The following CCDC88C variants were observed in gnomAD, a reference collection of about 807,000 sequenced individuals.
The protein encoded by CCDC88C is protein Daple.
CCDC88C carries 131 observed loss-of-function variants against 198.8 expected under a neutral mutation model. The ratio of observed to expected loss-of-function variants is 0.66; its 90% CI spans 0.57 to 0.76. The LOEUF (loss-of-function observed/expected upper bound fraction) is 0.76. CCDC88C is among the 30% of genes least tolerant of loss of function. The probability of loss-of-function intolerance (pLI) is 0.00; values close to 1 mark genes in which losing one functional copy is unlikely to be tolerated. For missense variants in CCDC88C, 2,553 were observed against 2,631.6 expected (o/e 0.97, Z 0.65); for synonymous variants, 1,166 against 1,114.7 (o/e 1.05, Z -0.92).
chr14:91,345,190 A>ATATATTTTTTTTTT (rs1246878587), intron 4 of CCDC88C, among the ~76,000 whole-genome samples: 2 of 52,204 alleles, frequency 3.8e-5, no homozygotes, highest in African/African-American at 7.9e-5. Flanking sequence ...ATATATATAT[A>ATATATTTTTTTTTT]TTTTTTTTTT....
intron 4 of CCDC88C, among the ~76,000 whole-genome samples, chr14:91,355,441 G>A (rs955575949): frequency 2.6e-5 from 4 of 152,150 alleles, no homozygotes; most frequent in Admixed American, 6.5e-5. Context: ...AGCCCAGGCC[G>A]TGCTCGGAGA....
chr14:91,344,968 G>A (rs141800456), intron 4 of CCDC88C, among the ~76,000 whole-genome samples: 25 of 151,150 alleles, frequency 1.7e-4, no homozygotes, highest in African/African-American at 5.8e-4. Context: ...GCTAACTTTT[G>A]TATTTTTTGT....
At chr14:91,365,476 AG>A (rs1224202117) in intron 3 of CCDC88C, among the ~76,000 whole-genome samples, 2 of 152,180 alleles carry the variant, frequency 1.3e-5, no homozygotes, top group African/African-American at 2.4e-5. Flanking sequence ...TTAAACTGTT[AG>A]GGGGACAGGC....
intron 3 of CCDC88C, among the ~76,000 whole-genome samples, chr14:91,360,539 C>A (rs143941819): frequency 6.6e-5 from 10 of 152,206 alleles, no homozygotes; most frequent in African/African-American, 9.7e-5. Flanking sequence ...CTAAGCAGGT[C>A]TTTGGTACAA....
chr14:91,290,813 C>T (rs1313398067), intron 24 of CCDC88C, among the ~76,000 whole-genome samples, 182 bp downstream of exon 24: 1 of 152,232 alleles, frequency 6.6e-6, no homozygotes, highest in Non-Finnish European at 1.5e-5. Flanking sequence ...TTGGCCACCC[C>T]TCACAGGACA....
At chr14:91,382,236 TCTCAACGCAGAGGC>T (rs1220114518) in intron 3 of CCDC88C, among the ~76,000 whole-genome samples, 1 of 152,144 alleles carries the variant, frequency 6.6e-6, no homozygotes, top group African/African-American at 2.4e-5. Flanking sequence ...TTTCCACAAA[TCTCAACGCAGAGGC>T]CTCATAATCC....
At chr14:91,401,306 T>C (rs1886183963) in intron 3 of CCDC88C, among the ~76,000 whole-genome samples, 2 of 104,532 alleles carry the variant, frequency 1.9e-5, no homozygotes, top group South Asian at 5.4e-4. Flanking sequence ...TATTATAATG[T>C]ATATATTTAT....
chr14:91,390,253 C>T (rs999348120), intron 3 of CCDC88C, among the ~76,000 whole-genome samples: 1 of 152,114 alleles, frequency 6.6e-6, no homozygotes, highest in African/African-American at 2.4e-5. Context: ...TAGTAGATGC[C>T]CGATTCTGCT....
At chr14:91,300,919 G>A (rs1238503407) in intron 20 of CCDC88C, among the ~76,000 whole-genome samples, 3 of 152,132 alleles carry the variant, frequency 2.0e-5, no homozygotes, top group Non-Finnish European at 4.4e-5. Flanking sequence ...TCCCATTCAG[G>A]CAAATTCTTC....
intron 3 of CCDC88C, among the ~76,000 whole-genome samples, chr14:91,370,297 G>C (rs1374454658): frequency 6.6e-6 from 1 of 152,236 alleles, no homozygotes; most frequent in Non-Finnish European, 1.5e-5. Context: ...CTGCTGGCAA[G>C]AGAGGCACAG....
chr14:91,377,348 G>A (rs1311568851), intron 3 of CCDC88C, among the ~76,000 whole-genome samples: 1 of 152,222 alleles, frequency 6.6e-6, no homozygotes, highest in Non-Finnish European at 1.5e-5. Context: ...CATGAGAGCC[G>A]GAGCGATGGT....
intron 4 of CCDC88C, among the ~76,000 whole-genome samples, chr14:91,353,170 G>A (rs1327482416): frequency 6.6e-6 from 1 of 152,182 alleles, no homozygotes; most frequent in African/African-American, 2.4e-5. Flanking sequence ...AGCTGTCACA[G>A]AAGGCCTCCT....
chr14:91,333,697 T>C (rs577821311), intron 10 of CCDC88C, among the ~76,000 whole-genome samples: 6 of 152,332 alleles, frequency 3.9e-5, no homozygotes, highest in Non-Finnish European at 5.9e-5. Context: ...GGGGGCAAGA[T>C]GGCCTGGGAG....
intron 26 of CCDC88C, among the ~76,000 whole-genome samples, chr14:91,282,369 A>G (rs951682040): frequency 6.6e-6 from 1 of 152,170 alleles, no homozygotes; most frequent in South Asian, 2.1e-4. Context: ...CAACTCCTTC[A>G]GCTGTTTCTT....
intron 15 of CCDC88C, among the ~76,000 whole-genome samples, chr14:91,310,395 T>A (rs1424610820): frequency 6.6e-6 from 1 of 152,140 alleles, no homozygotes; most frequent in Non-Finnish European, 1.5e-5. Context: ...AATATTTTAT[T>A]TTAAACCCTG....
In CCDC88C at chr14:91,408,758, C is replaced by T. The variant is rs1839093491; in HGVS notation, c.171G>A (p.Arg57=). The T allele has an allele frequency of 6.2e-7, 1 of 1,611,826 alleles. No individual in the cohort carries two copies. The change falls in exon 3 of 30, where the codon AGG becomes AGA. Residue 57 remains arginine (R), a synonymous_variant. Coordinates refer to ENST00000389857, the MANE Select transcript of CCDC88C (RefSeq NM_001080414.4). ...GCTTATTGATGCGTTGATTTGTGGGCCTGGGATCTCTAGGGGAAGAAACAC... is the reference window on the plus strand; with the variant it reads ...GCTTATTGATGCGTTGATTTGTGGGTCTGGGATCTCTAGGGGAAGAAACAC... ...LNQIMLQIDP[R]PTNQRINKHV...
chr14:91,338,633 C>A lies in CCDC88C; in HGVS notation c.810-63G>T. 1.6e-6 allele frequency: 2 copies of A among 1,242,346 alleles called. No homozygotes were observed. The highest frequency in any genetic ancestry group is 1.2e-6 in the Non-Finnish European group (1 of 866,908). The allele number at this position is 1,242,346 out of a possible 1,614,324, so 77.0% of individuals were successfully genotyped here. Reference sequence around the variant, plus strand: ...CTTCCTCAACAAGCAGCCCTGGGAGCAGGCTGCCACTTCCTAAAACCTGTG... The same window carrying A: ...CTTCCTCAACAAGCAGCCCTGGGAGAAGGCTGCCACTTCCTAAAACCTGTG... On this transcript the variant is annotated intron_variant, in intron 8 of 29. Transcript: ENST00000389857. The surrounding 1 kb of genome is among the most constrained non-coding windows in gnomAD (Gnocchi z 4.8).
At position 91,313,090 on chromosome 14, in the gene CCDC88C, G is replaced by C. The variant is rs535702189; in HGVS notation, c.2726C>G (p.Thr909Ser). 57 of 1,583,436 alleles carry C rather than the reference G, an allele frequency of 3.6e-5. No homozygotes were observed. Among genetic ancestry groups the C allele is most frequent in the Middle Eastern group, 1.7e-4 (1 of 5,930 alleles). Residue 909 changes from threonine to serine, a missense_variant, in exon 15 of 30, where the codon ACT becomes AGT. Transcript: ENST00000389857. This position sits in a 1 kb window ranked among gnomAD's most constrained non-coding sequence, Gnocchi z 5.2. The stretch of plus-strand genomic sequence containing the variant: ...CCTGTGTTTGCTCACCTCCCTCAGA[G>C]TTGTCAGTGTCCTTGCATGCACGGT... The part of the protein sequence containing the change: ...QVTVHARTLT[T>S]LREDLVLEKL...
At chr14:91,285,100 A>T (rs1890346881) in intron 25 of CCDC88C, among the ~76,000 whole-genome samples, 1 of 152,240 alleles carries the variant, frequency 6.6e-6, no homozygotes, top group Non-Finnish European at 1.5e-5. Flanking sequence ...GGCAAAATCA[A>T]TCCAATTAGT....
Sources: gnomAD v4.1 joint callset for allele counts (sites outside exome capture counted in the v4.1 genomes callset) on GRCh38, gnomAD v4.1.1 for gene constraint, Gnocchi (gnomAD v3.1) non-coding constraint, MANE v1.5 for transcripts, NCBI Gene and HGNC (gene_info 2026-07-23, HGNC 2026-07-21) for gene names.